EHBP1: variants seen among roughly 807,000 people sequenced by gnomAD.
EHBP1 encodes EH domain binding protein 1, also known as EH domain-binding protein 1.
A neutral mutation model predicts 144.0 loss-of-function variants in EHBP1; 55 were observed. The observed-to-expected ratio is 0.38, with a 90% CI of 0.31 to 0.48. The LOEUF (loss-of-function observed/expected upper bound fraction) is 0.48. Among genes scored for constraint, EHBP1 ranks in the 20% least tolerant of loss-of-function variants. The pLI is 0.98. For missense variants in EHBP1, 1,200 were observed against 1,364.2 expected (o/e 0.88, Z 1.90); for synonymous variants, 469 against 472.7 (o/e 0.99, Z 0.10).
At chr2:62,788,172 A>G (rs1383507308) in intron 5 of EHBP1, among the ~76,000 whole-genome samples, 1 of 152,128 alleles carries the variant, frequency 6.6e-6, no homozygotes, top group Non-Finnish European at 1.5e-5. Flanking sequence ...ATAATTCTGT[A>G]ATTTTTTCTA....
chr2:63,003,041 G>T (rs1015993032), intron 19 of EHBP1, among the ~76,000 whole-genome samples: 3 of 151,726 alleles, frequency 2.0e-5, no homozygotes, highest in Admixed American at 1.3e-4. Context: ...TACGAATTTG[G>T]TCCATATGAT....
At chr2:63,036,443 G>T (rs1459939490) in intron 19 of EHBP1, among the ~76,000 whole-genome samples, 1 of 151,894 alleles carries the variant, frequency 6.6e-6, no homozygotes, top group Non-Finnish European at 1.5e-5. Context: ...GTGGAAGAGG[G>T]CTATCCTTGA....
chr2:62,840,627 A>T lies in EHBP1; in HGVS notation c.634+9469A>T, dbSNP rs1024152635. 5.3e-5 allele frequency among the ~76,000 whole-genome samples: 8 copies of T among 151,886 alleles called. No homozygotes were observed. In the East Asian group the frequency reaches 7.7e-4, roughly 15 times the overall value. Reference sequence around the variant, plus strand: ...CTAATATCCAGAATCTACAGTGAACACAAACAAATTTACAAGAAAAAAACA... The same window carrying T: ...CTAATATCCAGAATCTACAGTGAACTCAAACAAATTTACAAGAAAAAAACA... On this transcript the variant is annotated intron_variant, in intron 7 of 22. Transcript: ENST00000431489.
chr2:62,795,106 AAG>A (rs1491295830), intron 5 of EHBP1, among the ~76,000 whole-genome samples: 1 of 152,146 alleles, frequency 6.6e-6, no homozygotes, highest in Non-Finnish European at 1.5e-5. Flanking sequence ...AAGAAAAAAA[AAG>A]GAACTTTTTA....
intron 7 of EHBP1, among the ~76,000 whole-genome samples, chr2:62,838,413 A>T (rs2047484390): frequency 6.6e-6 from 1 of 151,652 alleles, no homozygotes; most frequent in Non-Finnish European, 1.5e-5. Context: ...TGACACCCTA[A>T]CATCACAATT....
At chr2:62,814,877 T>C (rs144287246) in intron 5 of EHBP1, among the ~76,000 whole-genome samples, 17 of 152,324 alleles carry the variant, frequency 1.1e-4, no homozygotes, top group African/African-American at 2.9e-4. Context: ...TCTGTTCTTA[T>C]CAAATTTAAA....
intron 14 of EHBP1, among the ~76,000 whole-genome samples, chr2:62,973,543 C>G (rs1055854092): frequency 1.3e-5 from 2 of 152,186 alleles, no homozygotes; most frequent in Admixed American, 1.3e-4. Context: ...TGACTCTAAA[C>G]TTAAGTATTC....
chr2:62,752,127 G>T (rs575998132), intron 3 of EHBP1, among the ~76,000 whole-genome samples: 9 of 152,094 alleles, frequency 5.9e-5, no homozygotes, highest in Admixed American at 2.0e-4. Flanking sequence ...TTTAGTGCTA[G>T]AAATTTCCCT....
intron 3 of EHBP1, among the ~76,000 whole-genome samples, chr2:62,758,648 A>G (rs558635066): frequency 1.2e-4 from 19 of 152,346 alleles, no homozygotes; most frequent in African/African-American, 4.6e-4. Flanking sequence ...AAATCCTGTT[A>G]TCTTATTAGA....
chr2:62,902,996 G>C (rs2053532833), intron 10 of EHBP1, among the ~76,000 whole-genome samples: 1 of 152,120 alleles, frequency 6.6e-6, no homozygotes, highest in Non-Finnish European at 1.5e-5. Flanking sequence ...GTGTATTCTA[G>C]TTCTTGCTAT....
chr2:62,792,733 C>A (rs9973608), intron 5 of EHBP1, among the ~76,000 whole-genome samples: 2 of 151,944 alleles, frequency 1.3e-5, no homozygotes, highest in African/African-American at 4.8e-5. Context: ...TTTATAAATA[C>A]CCCAATAAAT....
At chr2:62,817,947 A>G (rs1199624612) in intron 5 of EHBP1, among the ~76,000 whole-genome samples, 3 of 152,188 alleles carry the variant, frequency 2.0e-5, no homozygotes, top group East Asian at 1.9e-4. Context: ...TCCTTATCAC[A>G]TAGAAAATAT....
upstream of EHBP1, among the ~76,000 whole-genome samples, chr2:62,703,141 G>C (rs2034326619): frequency 6.6e-6 from 1 of 152,000 alleles, no homozygotes; most frequent in African/African-American, 2.4e-5. Context: ...TGGGCAACGT[G>C]GTGAAACCCT....
intron 10 of EHBP1, among the ~76,000 whole-genome samples, chr2:62,887,978 C>T (rs1266135833): frequency 1.3e-5 from 2 of 152,146 alleles, no homozygotes; most frequent in Non-Finnish European, 2.9e-5. Context: ...AGTTGAAAAA[C>T]ATTCCTTTTT....
intron 10 of EHBP1, among the ~76,000 whole-genome samples, chr2:62,895,206 T>C (rs2052799420): frequency 6.6e-6 from 1 of 152,148 alleles, no homozygotes; most frequent in African/African-American, 2.4e-5. Flanking sequence ...GTGGAGGTTA[T>C]ACAAGTGTAT....
chr2:62,951,540 G>GT lies in EHBP1; in HGVS notation c.2316+2378_2316+2379insT, dbSNP rs1553485974. ...TTTTTCTTTTTTTTTTTTTTGGGGG[G>GT]GGGGGGTGGAGTCTTGCCCTGTCAC... On this transcript the variant is annotated intron_variant, in intron 13 of 22. Coordinates refer to ENST00000431489, the MANE Select transcript of EHBP1 (RefSeq NM_001142616.3). Among the ~76,000 whole-genome samples, 4 of 142,772 alleles carry GT rather than the reference G, an allele frequency of 2.8e-5. 1 individual carries two copies. Among genetic ancestry groups the GT allele is most frequent in the Admixed American group, 1.4e-4 (2 of 14,264 alleles). 93.7% of individuals were successfully genotyped at this position (142,772 alleles called of 152,430 possible).
chr2:62,786,259 C>T (rs1248200074), intron 5 of EHBP1, among the ~76,000 whole-genome samples: 1 of 152,096 alleles, frequency 6.6e-6, no homozygotes, highest in Non-Finnish European at 1.5e-5. Flanking sequence ...ATCAAGGCCT[C>T]TCCATTTCCT....
chr2:62,849,376 C>A (rs1387807827), intron 7 of EHBP1, among the ~76,000 whole-genome samples: 3 of 151,992 alleles, frequency 2.0e-5, no homozygotes, highest in Admixed American at 2.0e-4. Flanking sequence ...GTGAGTAAAG[C>A]CATTTTGGAC....
At chr2:62,723,184 A>G (rs1399419260) in intron 2 of EHBP1, among the ~76,000 whole-genome samples, 1 of 152,214 alleles carries the variant, frequency 6.6e-6, no homozygotes, top group African/African-American at 2.4e-5. Flanking sequence ...TTGGATGCAC[A>G]CATATTTAGG....
Sources: gnomAD v4.1 joint callset for allele counts (sites outside exome capture counted in the v4.1 genomes callset) on GRCh38, gnomAD v4.1.1 for gene constraint, MANE v1.5 for transcripts, NCBI Gene and HGNC (gene_info 2026-07-23, HGNC 2026-07-21) for gene names.